The following SLC35F3 variants were observed in gnomAD, a reference collection of about 807,000 sequenced individuals.
SLC35F3 encodes the protein putative thiamine transporter SLC35F3.
In SLC35F3, 25 loss-of-function variants were observed where a neutral mutation model predicts 49.9. The observed-to-expected ratio is 0.50, with a 90% CI of 0.37 to 0.70. The LOEUF (loss-of-function observed/expected upper bound fraction) is 0.70. Among genes scored for constraint, SLC35F3 ranks in the 30% least tolerant of loss-of-function variants. The probability of loss-of-function intolerance (pLI) is 0.00; values close to 1 mark genes in which losing one functional copy is unlikely to be tolerated. For synonymous variants in SLC35F3, 275 were observed against 265.4 expected (o/e 1.04, Z -0.35); for missense variants, 525 against 639.8 (o/e 0.82, Z 1.94).
intron 3 of SLC35F3, among the ~76,000 whole-genome samples, chr1:234,269,449 C>T (rs1183953784): frequency 1.3e-5 from 2 of 152,136 alleles, no homozygotes; most frequent in Non-Finnish European, 2.9e-5. Flanking sequence ...GACAAAAGTA[C>T]CTATTTTGGT....
At chr1:233,987,264 G>A (rs981195398) in intron 2 of SLC35F3, among the ~76,000 whole-genome samples, 1 of 152,170 alleles carries the variant, frequency 6.6e-6, no homozygotes, top group Admixed American at 6.5e-5. Context: ...ACTCCAGCCT[G>A]GGAGACAGAG....
chr1:234,319,712 C>CAA (rs1422371184), intron 6 of SLC35F3, among the ~76,000 whole-genome samples: 4 of 151,670 alleles, frequency 2.6e-5, no homozygotes, highest in African/African-American at 9.7e-5. Flanking sequence ...TGCCTCAAAA[C>CAA]AAAACAAAAC....
Position 234,214,668 on chromosome 1 carries a change from G to A in SLC35F3, c.284-16749G>A. 1.4e-6 allele frequency: 2 copies of A among 1,427,492 alleles called. No homozygotes were observed. Among genetic ancestry groups the A allele is most frequent in the Admixed American group, 2.7e-5 (1 of 36,716 alleles). The allele number at this position is 1,427,492 out of a possible 1,614,324, so 88.4% of individuals were successfully genotyped here. ...GGCTGTCTGGCTGCGGGGCGCCGGG[G>A]CTGGGGGTACTGCTCCCCCAGGACG... On this transcript the variant is annotated intron_variant, in intron 2 of 7. Coordinates refer to ENST00000366618, the MANE Select transcript of SLC35F3 (RefSeq NM_173508.4). This position sits in a 1 kb window ranked among gnomAD's most constrained non-coding sequence, Gnocchi z 8.0.
At chr1:234,239,991 G>T (rs188214289) in intron 3 of SLC35F3, among the ~76,000 whole-genome samples, 3 of 152,034 alleles carry the variant, frequency 2.0e-5, no homozygotes, top group African/African-American at 7.2e-5. Context: ...AATTAAACAC[G>T]ATGGTGTGTA....
At chr1:234,322,020 AAATAATAAT>A (rs150010282) in intron 7 of SLC35F3, among the ~76,000 whole-genome samples, 1 of 150,964 alleles carries the variant, frequency 6.6e-6, no homozygotes, top group African/African-American at 2.4e-5. Flanking sequence ...ATCTCTACAA[AAATAATAAT>A]AATAATAATA....
intron 2 of SLC35F3, among the ~76,000 whole-genome samples, chr1:234,066,875 C>CACAA (rs1491051441): frequency 7.9e-6 from 1 of 126,974 alleles, no homozygotes; most frequent in African/African-American, 2.9e-5. Flanking sequence ...CACACACACA[C>CACAA]AATTATATTA....
At chr1:234,266,472 A>C (rs1197826167) in intron 3 of SLC35F3, among the ~76,000 whole-genome samples, 1 of 152,250 alleles carries the variant, frequency 6.6e-6, no homozygotes, top group Non-Finnish European at 1.5e-5. Context: ...ATTCATTGTC[A>C]GTAGAAGGAT....
At chr1:234,303,281 T>C (rs986466534) in intron 3 of SLC35F3, among the ~76,000 whole-genome samples, 11 of 152,242 alleles carry the variant, frequency 7.2e-5, no homozygotes, top group African/African-American at 2.7e-4. Context: ...TAATGATTGC[T>C]ATTTTTTCCC....
chr1:234,309,687 C>G (rs1381000326), intron 4 of SLC35F3, among the ~76,000 whole-genome samples: 1 of 152,242 alleles, frequency 6.6e-6, no homozygotes, highest in Non-Finnish European at 1.5e-5. Context: ...GTGGCATGAC[C>G]GTGCCCTGCA....
chr1:234,309,881 C>T (rs1657304565), intron 4 of SLC35F3, among the ~76,000 whole-genome samples: 1 of 152,256 alleles, frequency 6.6e-6, no homozygotes, highest in South Asian at 2.1e-4. Context: ...TCACTTCCTT[C>T]TAACCAATGA....
chr1:233,984,662 C>G (rs1478359305), intron 2 of SLC35F3, among the ~76,000 whole-genome samples: 1 of 152,168 alleles, frequency 6.6e-6, no homozygotes, highest in Non-Finnish European at 1.5e-5. Flanking sequence ...AGAATGTTGT[C>G]TCTGGCTCGT....
chr1:234,156,247 G>A (rs1666149553), intron 2 of SLC35F3, among the ~76,000 whole-genome samples: 1 of 152,122 alleles, frequency 6.6e-6, no homozygotes, highest in Non-Finnish European at 1.5e-5. Context: ...AGTAATACTC[G>A]GAGTCTGGGA....
chr1:234,225,943 G>A (rs568616063), intron 2 of SLC35F3, among the ~76,000 whole-genome samples: 3 of 152,318 alleles, frequency 2.0e-5, no homozygotes, highest in Admixed American at 2.0e-4. Flanking sequence ...GTCTGTATAT[G>A]TATATGAAAT....
At position 234,323,737 on chromosome 1, in the gene SLC35F3, T is replaced by C. The variant is rs778154271; in HGVS notation, c.*494T>C. 1 of 158,662 alleles carries C rather than the reference T, an allele frequency of 6.3e-6. No homozygotes were observed. The highest frequency in any genetic ancestry group is 1.4e-5 in the Non-Finnish European group (1 of 71,884). 9.8% of individuals were successfully genotyped at this position (158,662 alleles called of 1,614,324 possible). A position where few individuals can be genotyped will look rare whatever the true frequency, so the allele number is the denominator to read the frequency against. ...TTATTTGGATGGATGGATGGAGGGA[T>C]GGAAGGAGGGAGGGAAGGATGTCTG... On this transcript the variant is annotated 3_prime_UTR_variant, in exon 8 of 8. Coordinates refer to ENST00000366618, the MANE Select transcript of SLC35F3 (RefSeq NM_173508.4). This position sits in a 1 kb window ranked among gnomAD's most constrained non-coding sequence, Gnocchi z 4.5.
chr1:234,136,699 G>C (rs575211949), intron 2 of SLC35F3, among the ~76,000 whole-genome samples: 2 of 152,376 alleles, frequency 1.3e-5, no homozygotes, highest in East Asian at 1.9e-4. Flanking sequence ...GAACGCATGA[G>C]AGTATCAGGT....
At chr1:234,221,272 G>A (rs985866616) in intron 2 of SLC35F3, among the ~76,000 whole-genome samples, 1 of 152,106 alleles carries the variant, frequency 6.6e-6, no homozygotes, top group Non-Finnish European at 1.5e-5. Flanking sequence ...CTGTCTTAAG[G>A]GGGAGGGAGA....
intron 2 of SLC35F3, among the ~76,000 whole-genome samples, chr1:233,950,714 C>G (rs975126426): frequency 1.3e-5 from 2 of 152,088 alleles, no homozygotes. Context: ...AAAAGAACAT[C>G]TCCTATCACA....
At chr1:234,104,941 C>T (rs1008787129) in intron 2 of SLC35F3, among the ~76,000 whole-genome samples, 14 of 151,988 alleles carry the variant, frequency 9.2e-5, no homozygotes, top group Non-Finnish European at 1.9e-4. Flanking sequence ...CCAGCCTGGC[C>T]AACATGGTGA....
At chr1:234,163,337 G>A (rs542447988) in intron 2 of SLC35F3, among the ~76,000 whole-genome samples, 1 of 152,318 alleles carries the variant, frequency 6.6e-6, no homozygotes, top group South Asian at 2.1e-4. Context: ...GAGTGTTAGG[G>A]AGAAAGAGGA....
Sources: gnomAD v4.1 joint callset for allele counts (sites outside exome capture counted in the v4.1 genomes callset) on GRCh38, gnomAD v4.1.1 for gene constraint, Gnocchi (gnomAD v3.1) non-coding constraint, MANE v1.5 for transcripts, NCBI Gene and HGNC (gene_info 2026-07-23, HGNC 2026-07-21) for gene names.